Variants in ACAP2 observed in about 807,000 individuals in gnomAD.
The protein encoded by ACAP2 is arf-GAP with coiled-coil, ANK repeat and PH domain-containing protein 2.
In ACAP2, 39 loss-of-function variants were observed where a neutral mutation model predicts 115.8. The ratio of observed to expected loss-of-function variants is 0.34; its 90% CI spans 0.26 to 0.44. The LOEUF (loss-of-function observed/expected upper bound fraction) is 0.44, where lower values mean the gene tolerates loss of function less well. ACAP2 is among the 20% of genes least tolerant of loss of function. The pLI, the probability that ACAP2 is intolerant of heterozygous loss-of-function variation, is 1.00. For synonymous variants in ACAP2, 289 were observed against 315.8 expected, an observed-to-expected ratio of 0.92 and a Z score of 0.90; for missense variants, 662 against 927.6, an observed-to-expected ratio of 0.71 and a Z score of 3.72.
chr3:195,370,064 T>C (rs1358427371), intron 4 of ACAP2, among the ~76,000 whole-genome samples: 6 of 152,238 alleles, frequency 3.9e-5, no homozygotes, highest in Non-Finnish European at 1.5e-5. Context: ...TCTTTTGAAG[T>C]GTCTGTTCAT....
At chr3:195,376,116 A>C (rs1313425647) in intron 4 of ACAP2, among the ~76,000 whole-genome samples, 1 of 152,106 alleles carries the variant, frequency 6.6e-6, no homozygotes, top group Non-Finnish European at 1.5e-5. Flanking sequence ...CATTAAGGCC[A>C]AGTGCAGTGG....
intron 1 of ACAP2, among the ~76,000 whole-genome samples, chr3:195,424,283 A>ATTTTT (rs1162275706): frequency 1.3e-4 from 7 of 54,126 alleles, no homozygotes; most frequent in African/African-American, 2.9e-4. Flanking sequence ...ATATATATAT[A>ATTTTT]TTTTTTTTTT....
chr3:195,441,901 A>G (rs570763471), intron 1 of ACAP2: 41 of 152,396 alleles, frequency 2.7e-4, no homozygotes, highest in African/African-American at 9.9e-4. Flanking sequence ...AAGAAGGGCA[A>G]CCCATGTGAA....
At chr3:195,305,542 G>A (rs1398828976) in intron 13 of ACAP2, among the ~76,000 whole-genome samples, 1 of 152,102 alleles carries the variant, frequency 6.6e-6, no homozygotes, top group East Asian at 1.9e-4. Flanking sequence ...AGCCAAGAAG[G>A]AGAAAGATAT....
chr3:195,365,918 C>A (rs13324903), intron 4 of ACAP2, among the ~76,000 whole-genome samples: 1 of 150,932 alleles, frequency 6.6e-6, no homozygotes, highest in South Asian at 2.1e-4. Context: ...CTTAGCTCAC[C>A]GCAACCTGCA....
intron 6 of ACAP2, among the ~76,000 whole-genome samples, chr3:195,338,794 T>C (rs532933196): frequency 6.6e-6 from 1 of 152,216 alleles, no homozygotes; most frequent in Admixed American, 6.5e-5. Context: ...CATTCACTCT[T>C]TGCCAATACT....
At chr3:195,435,873 A>C (rs755863837) in intron 1 of ACAP2, among the ~76,000 whole-genome samples, 5 of 152,108 alleles carry the variant, frequency 3.3e-5, no homozygotes, top group Non-Finnish European at 7.4e-5. Flanking sequence ...TTCTTGGTTT[A>C]TAGCACTGTT....
chr3:195,334,343 T>G (rs1225593021), intron 7 of ACAP2, among the ~76,000 whole-genome samples: 2 of 151,982 alleles, frequency 1.3e-5, no homozygotes, highest in African/African-American at 4.8e-5. Context: ...CAATAAATTA[T>G]TTTAAAAATT....
chr3:195,360,952 T>A (rs1216233158), intron 4 of ACAP2, among the ~76,000 whole-genome samples: 1 of 143,870 alleles, frequency 7.0e-6, no homozygotes, highest in Admixed American at 7.2e-5. Flanking sequence ...ACAGACCATA[T>A]TGCTAGGTCA....
rs564037475 is a variant in ACAP2 at position 195,442,718 on chromosome 3, G to A, written c.53+77C>T. The A allele has an allele frequency of 2.8e-3, 4,019 of 1,456,522 alleles. 4 individuals are homozygous for A. The highest frequency in any genetic ancestry group is 3.3e-3 in the Non-Finnish European group (3,563 of 1,083,466). 90.2% of individuals were successfully genotyped at this position (1,456,522 alleles called of 1,614,324 possible). On this transcript the variant is annotated intron_variant, in intron 1 of 22. Transcript: ENST00000326793. ...GAGCGGACGGCGGGGCCTCCTCCGGGTGCGCGGGCCCGGCTTTCACGCCCC... is the reference window on the plus strand; with the variant it reads ...GAGCGGACGGCGGGGCCTCCTCCGGATGCGCGGGCCCGGCTTTCACGCCCC...
At position 195,381,012 on chromosome 3, in the gene ACAP2, G is replaced by A. The variant is rs1435473273; in HGVS notation, c.282C>T (p.His94=). The change falls in exon 4 of 23, where the codon CAC becomes CAT. Residue 94 remains histidine, a synonymous_variant. Coordinates refer to ENST00000326793, the MANE Select transcript of ACAP2 (RefSeq NM_012287.6). ...ACACCTACTTACTGACACTTACTGTGTGAAAATTTATCATTTCTTGAAGAC... is the reference window on the plus strand; with the variant it reads ...ACACCTACTTACTGACACTTACTGTATGAAAATTTATCATTTCTTGAAGAC... ...SDSLQEMINF[H]TILFDQTQRS... 9.4e-6 allele frequency: 15 copies of A among 1,596,160 alleles called. No homozygotes were observed. Among genetic ancestry groups the A allele is most frequent in the Non-Finnish European group, 1.3e-5 (15 of 1,175,746 alleles).
intron 1 of ACAP2, among the ~76,000 whole-genome samples, chr3:195,420,348 G>A (rs1329321789): frequency 6.6e-6 from 1 of 151,940 alleles, no homozygotes. Context: ...TTCTTGTTCT[G>A]TTTTGTTTTG....
At chr3:195,417,506 A>G (rs1713830884) in intron 1 of ACAP2, among the ~76,000 whole-genome samples, 1 of 152,112 alleles carries the variant, frequency 6.6e-6, no homozygotes, top group Admixed American at 6.6e-5. Flanking sequence ...TCTCACTCTT[A>G]TCTCCACTAA....
At chr3:195,424,054 C>G (rs1362806775) in intron 1 of ACAP2, among the ~76,000 whole-genome samples, 2 of 151,766 alleles carry the variant, frequency 1.3e-5, no homozygotes, top group Non-Finnish European at 2.9e-5. Flanking sequence ...TTTACCAACT[C>G]CTGGCTTAGA....
At chr3:195,340,589 G>A (rs1047040312) in intron 6 of ACAP2, among the ~76,000 whole-genome samples, 1 of 152,202 alleles carries the variant, frequency 6.6e-6, no homozygotes, top group African/African-American at 2.4e-5. Flanking sequence ...AAAAGAAATA[G>A]AAGTTGGGAG....
chr3:195,430,255 G>C (rs1266567621), intron 1 of ACAP2, among the ~76,000 whole-genome samples: 3 of 152,130 alleles, frequency 2.0e-5, no homozygotes. Context: ...TCCTACATAA[G>C]CTATGAAGCT....
chr3:195,423,669 C>T (rs551412290), intron 1 of ACAP2, among the ~76,000 whole-genome samples: 1 of 150,718 alleles, frequency 6.6e-6, no homozygotes, highest in African/African-American at 2.4e-5. Flanking sequence ...GTTTTGCAGG[C>T]CCTACAGTCC....
At chr3:195,413,101 G>A (rs950391760) in intron 1 of ACAP2, among the ~76,000 whole-genome samples, 1 of 152,154 alleles carries the variant, frequency 6.6e-6, no homozygotes, top group African/African-American at 2.4e-5. Context: ...ATATTCCACA[G>A]TTAAATTTAG....
At chr3:195,333,610 G>A (rs1409081100) in intron 7 of ACAP2, among the ~76,000 whole-genome samples, 1 of 152,134 alleles carries the variant, frequency 6.6e-6, no homozygotes, top group Non-Finnish European at 1.5e-5. Context: ...TTTCCCAGTG[G>A]TTTAACATTT....
Sources: allele counts gnomAD v4.1 joint callset (sites outside exome capture counted in the v4.1 genomes callset), GRCh38; gene constraint gnomAD v4.1.1; transcripts MANE v1.5; gene names NCBI Gene and HGNC (gene_info 2026-07-23, HGNC 2026-07-21).